AAR2: variants seen among roughly 807,000 people sequenced by gnomAD.
AAR2 encodes the protein AAR2 splicing factor, also known as protein AAR2 homolog.
AAR2 carries 31 observed loss-of-function variants against 26.9 expected under a neutral mutation model. That is an observed-to-expected ratio of 1.15 (90% CI 0.86 to 1.55). The LOEUF (loss-of-function observed/expected upper bound fraction) is 1.55, where lower values mean the gene tolerates loss of function less well. Among genes scored for constraint, AAR2 ranks in the 40% most tolerant of loss-of-function variants. The pLI is 0.00. For missense variants in AAR2, 430 were observed against 491.3 expected (o/e 0.88, Z 1.18); for synonymous variants, 188 against 196.1 (o/e 0.96, Z 0.34).
In AAR2 at chr20:36,255,852, C is replaced by CCATCTTTG; in HGVS notation, c.*109_*110insTCTTTGCA. 7.4e-7 allele frequency: 1 copy of CCATCTTTG among 1,345,432 alleles called. No individual in the cohort carries two copies. The highest frequency in any genetic ancestry group is 1.0e-6 in the Non-Finnish European group (1 of 992,280). The allele number at this position is 1,345,432 out of a possible 1,614,324, so 83.3% of individuals were successfully genotyped here. ...GGGACCTGCCAGGGCAGCAATCTCT[C>CCATCTTTG]CAGGTCCTGCAAAGATGGAGCCAGA... On this transcript the variant is annotated 3_prime_UTR_variant, in exon 4 of 4. Transcript: ENST00000320849.
intron 3 of AAR2, among the ~76,000 whole-genome samples, chr20:36,248,336 TC>T (rs1269334309): frequency 1.3e-4 from 20 of 149,948 alleles, no homozygotes; most frequent in African/African-American, 4.9e-4. Context: ...TTCTTCTTCT[TC>T]TTTTTTTTTT....
chr20:36,244,673 A>G (rs759141865), intron 2 of AAR2, 24 bp from the exon 3 acceptor site: 2 of 1,604,278 alleles, frequency 1.2e-6, no homozygotes, highest in Admixed American at 1.7e-5. Context: ...CCTCAGAATC[A>G]CTTCTCCTCT....
In AAR2 at chr20:36,244,587, C is replaced by G. The variant is rs2064714909; in HGVS notation, c.758-110C>G. On this transcript the variant is annotated intron_variant, in intron 2 of 3. Transcript: ENST00000320849. ...TCTGCAGGAGTGACAAGGATAAAAGCTCATCTGTTGCTGAGGTCCAGTGGA... is the reference window on the plus strand; with the variant it reads ...TCTGCAGGAGTGACAAGGATAAAAGGTCATCTGTTGCTGAGGTCCAGTGGA... The G allele has an allele frequency of 2.9e-6, 3 of 1,027,912 alleles. No individual in the cohort carries two copies. The Admixed American group carries it at 5.7e-5, about 19-fold the overall frequency. 63.7% of individuals were successfully genotyped at this position (1,027,912 alleles called of 1,614,324 possible).
At position 36,240,690 on chromosome 20, in the gene AAR2, A is replaced by G. The variant is rs1055046723; in HGVS notation, c.757+65A>G. 2.1e-5 allele frequency: 32 copies of G among 1,534,876 alleles called. No individual in the cohort carries two copies. In the Middle Eastern group the frequency reaches 7.1e-4, roughly 34 times the overall value. ...AGGATATTAGCAGAGGTGTTTTGGA[A>G]TAGGGAGTACATCTTGTGTTAGTCC... On this transcript the variant is annotated intron_variant, in intron 2 of 3. Transcript: ENST00000320849.
chr20:36,252,523 A>G (rs952871715), intron 3 of AAR2, among the ~76,000 whole-genome samples: 1 of 152,156 alleles, frequency 6.6e-6, no homozygotes, highest in African/African-American at 2.4e-5. Context: ...TCTGGAAGAG[A>G]TCCTCAAGGA....
chr20:36,254,939 A>C (rs2064807450), intron 3 of AAR2, among the ~76,000 whole-genome samples: 1 of 152,214 alleles, frequency 6.6e-6, no homozygotes, highest in South Asian at 2.1e-4. Flanking sequence ...GGAAGTGTTG[A>C]ATATCTCATG....
intron 3 of AAR2, among the ~76,000 whole-genome samples, chr20:36,253,713 C>A (rs2064797878): frequency 6.6e-6 from 1 of 152,034 alleles, no homozygotes; most frequent in African/African-American, 2.4e-5. Flanking sequence ...GGGTTGATAT[C>A]CAGAATATAT....
Position 36,244,717 on chromosome 20 carries a change from G to T in AAR2, c.778G>T (p.Val260Leu), listed in dbSNP as rs1356249412. The change falls in exon 3 of 4, where the codon GTG becomes TTG. Residue 260 changes from valine to leucine, a missense_variant. Coordinates refer to ENST00000320849, the MANE Select transcript of AAR2 (RefSeq NM_001271874.2). The stretch of plus-strand genomic sequence containing the variant: ...TTCAGGTGAACTCCAGTTTGCTTTT[G>T]TGTGCTTCCTGCTGGGGAATGTGTA... Reference protein sequence around the residue: ...DVLGELQFAFVCFLLGNVYEA... With the variant: ...DVLGELQFAFLCFLLGNVYEA... 3 of 1,614,010 alleles carry T rather than the reference G, an allele frequency of 1.9e-6. No homozygotes were observed. In the African/African-American group the frequency reaches 4.0e-5, roughly 22 times the overall value.
At chr20:36,238,617 G>A (rs1217435831) in intron 1 of AAR2, among the ~76,000 whole-genome samples, 1 of 151,980 alleles carries the variant, frequency 6.6e-6, no homozygotes, top group East Asian at 1.9e-4. Context: ...TTAGCCAGGT[G>A]TGGTGGCACA....
chr20:36,237,547 T>C (rs1453259203), intron 1 of AAR2, among the ~76,000 whole-genome samples: 1 of 152,048 alleles, frequency 6.6e-6, no homozygotes, highest in Non-Finnish European at 1.5e-5. Flanking sequence ...TGCTAGGCCC[T>C]GTGCCAGCTG....
At chr20:36,241,706 C>G (rs956862841) in intron 2 of AAR2, among the ~76,000 whole-genome samples, 1 of 152,116 alleles carries the variant, frequency 6.6e-6, no homozygotes, top group Non-Finnish European at 1.5e-5. Flanking sequence ...TCACTTGAAC[C>G]CAGGAGGCAG....
rs550815830 is a variant in AAR2, at chr20:36,253,100, C to T, written c.988-2478C>T. Among the ~76,000 whole-genome samples, 11 of 145,066 alleles carry T rather than the reference C, an allele frequency of 7.6e-5. No homozygotes were observed. The South Asian group carries it at 2.5e-3, about 33-fold the overall frequency. Reference sequence around the variant, plus strand: ...TTCCCCCCCATCACCTCTCTGTGTTCCCACTGCTGCTACTCCAACGGAATG... The same window carrying T: ...TTCCCCCCCATCACCTCTCTGTGTTTCCACTGCTGCTACTCCAACGGAATG... On this transcript the variant is annotated intron_variant, in intron 3 of 3. Transcript: ENST00000320849.
In AAR2 at chr20:36,248,031, C is replaced by T. The variant is rs1298122096; in HGVS notation, c.987+3105C>T. Among the ~76,000 whole-genome samples the T allele has an allele frequency of 4.6e-5, 7 of 152,286 alleles. No individual in the cohort carries two copies. The East Asian group carries it at 1.2e-3, about 25-fold the overall frequency. On this transcript the variant is annotated intron_variant, in intron 3 of 3. Coordinates refer to ENST00000320849, the MANE Select transcript of AAR2 (RefSeq NM_001271874.2). ...CATCCTGCATAATTGAAACTTTATA[C>T]CCATGTTTCATACCTTCTTGCCGGA...
At position 36,240,230 on chromosome 20, in the gene AAR2, T is replaced by C. The variant is rs2064663541; in HGVS notation, c.362T>C (p.Phe121Ser). The change falls in exon 2 of 4, where the codon TTC becomes TCC. Residue 121 changes from phenylalanine (F) to serine (S), a missense_variant. Phe to Ser is a radical substitution (Grantham distance 155). Transcript: ENST00000320849. ...GCCAACCTCCAGGAGCTGGACCAGT[T>C]CCTGGGGCCTTACCCATATGCCACC... ...MRANLQELDQ[F>S]LGPYPYATLK... is the part of the protein sequence containing the mutation. 1 of 1,614,166 alleles carries C rather than the reference T, an allele frequency of 6.2e-7. No individual in the cohort carries two copies. Among genetic ancestry groups the C allele is most frequent in the Admixed American group, 1.7e-5 (1 of 60,022 alleles).
chr20:36,245,509 A>C (rs2064725836), intron 3 of AAR2, among the ~76,000 whole-genome samples: 1 of 152,238 alleles, frequency 6.6e-6, no homozygotes, highest in Non-Finnish European at 1.5e-5. Flanking sequence ...CAAACAGATT[A>C]GTCCTTTATG....
At position 36,255,998 on chromosome 20, in the gene AAR2, C is replaced by T; in HGVS notation, c.*253C>T. ...GGTGCTAACCTGGCTGAATTTCACA[C>T]AGGCTCTTACACACACACGCTCCTA... On this transcript the variant is annotated 3_prime_UTR_variant, in exon 4 of 4. Coordinates refer to ENST00000320849, the MANE Select transcript of AAR2 (RefSeq NM_001271874.2). The T allele has an allele frequency of 2.0e-6, 1 of 501,760 alleles. No individual in the cohort carries two copies. Among genetic ancestry groups the T allele is most frequent in the South Asian group, 2.8e-5 (1 of 35,344 alleles). 31.1% of individuals were successfully genotyped at this position (501,760 alleles called of 1,614,324 possible).
chr20:36,247,283 A>G (rs1350816695), intron 3 of AAR2, among the ~76,000 whole-genome samples: 1 of 152,158 alleles, frequency 6.6e-6, no homozygotes, highest in Non-Finnish European at 1.5e-5. Flanking sequence ...CCTAGACTGC[A>G]TCGGAGTTTA....
intron 1 of AAR2, among the ~76,000 whole-genome samples, chr20:36,236,960 C>T (rs1448262331): frequency 6.6e-6 from 1 of 152,168 alleles, no homozygotes; most frequent in Non-Finnish European, 1.5e-5. Flanking sequence ...ATCATTGAGA[C>T]GGAAAGGTAC....
chr20:36,250,929 G>A (rs1298846251), intron 3 of AAR2, among the ~76,000 whole-genome samples: 7 of 152,124 alleles, frequency 4.6e-5, no homozygotes, highest in Admixed American at 4.6e-4. Flanking sequence ...AGGCGTGGTG[G>A]CTCATGCCTC....
Sources: allele counts gnomAD v4.1 joint callset (sites outside exome capture counted in the v4.1 genomes callset), GRCh38; gene constraint gnomAD v4.1.1; transcripts MANE v1.5; gene names NCBI Gene and HGNC (gene_info 2026-07-23, HGNC 2026-07-21).